SEC24A: variants seen among roughly 807,000 people sequenced by gnomAD.
The protein encoded by SEC24A is protein transport protein Sec24A.
Under a neutral mutation model 129.4 loss-of-function variants are expected in SEC24A, and 93 were observed. That is an observed-to-expected ratio of 0.72 (90% confidence interval 0.61 to 0.85). SEC24A has a LOEUF of 0.85. SEC24A is among the 40% of genes least tolerant of loss of function. The pLI is 0.00. For missense variants in SEC24A, 1,264 were observed against 1,307.4 expected, an observed-to-expected ratio of 0.97 and a Z score of 0.51; for synonymous variants, 460 against 467.3, an observed-to-expected ratio of 0.98 and a Z score of 0.20.
chr5:134,691,944 A>T (rs1017376398), intron 11 of SEC24A, among the ~76,000 whole-genome samples: 26 of 121,030 alleles, frequency 2.1e-4, no homozygotes, highest in African/African-American at 4.4e-4. Context: ...CCAGCCATTT[A>T]AAAAAAAAAA....
intron 9 of SEC24A, among the ~76,000 whole-genome samples, chr5:134,684,662 G>A (rs1422026383): frequency 2.6e-5 from 4 of 151,170 alleles, no homozygotes; most frequent in Non-Finnish European, 4.4e-5. Context: ...GCAGTGAGCC[G>A]AGATTGCGCC....
intron 1 of SEC24A, among the ~76,000 whole-genome samples, chr5:134,660,050 T>C (rs184921013): frequency 6.6e-6 from 1 of 152,182 alleles, no homozygotes; most frequent in Admixed American, 6.6e-5. Flanking sequence ...AAGGCACCTC[T>C]TTAGCGTATT....
At chr5:134,648,514 C>G (rs1749931694), upstream of SEC24A, 1 of 152,570 alleles carries the variant, frequency 6.6e-6, no homozygotes, top group Admixed American at 6.5e-5. Flanking sequence ...GATTGCCCCA[C>G]GATCCTGGCT....
rs575809400 is a variant in SEC24A, at chr5:134,689,592, C to G, written c.1723+1293C>G. 3.4e-3 allele frequency among the ~76,000 whole-genome samples: 514 copies of G among 152,206 alleles called. 4 individuals are homozygous for G. Among genetic ancestry groups the G allele is most frequent in the Middle Eastern group, 0.024 (7 of 294 alleles). ...CCTGGCCAACATGGTGAAACCCCGTCTCTACTAAAAATACAAAAATTAGTT... is the reference window on the plus strand; with the variant it reads ...CCTGGCCAACATGGTGAAACCCCGTGTCTACTAAAAATACAAAAATTAGTT... On this transcript the variant is annotated intron_variant, in intron 11 of 22. Transcript: ENST00000398844.
rs1362116133 is a variant in SEC24A, at chr5:134,649,139, A to G, written c.63A>G (p.Gly21=). The G allele has an allele frequency of 6.2e-7, 1 of 1,609,590 alleles. No homozygotes were observed. Among genetic ancestry groups the G allele is most frequent in the Admixed American group, 1.7e-5 (1 of 59,514 alleles). ...CAGCCAGCCTCCAGGCCCAGAACGG[A>G]GCCGCCTTGGCCTCGGGGTCTCCCT... The part of the protein sequence containing the change: ...GAPASLQAQN[G]AALASGSPYT... The change falls in exon 1 of 23, where the codon GGA becomes GGG. Residue 21 remains glycine (G), a synonymous_variant. Transcript: ENST00000398844.
At position 134,661,121 on chromosome 5, in the gene SEC24A, C is replaced by T. The variant is rs1362216036; in HGVS notation, c.100C>T (p.Pro34Ser). 8 of 1,593,022 alleles carry T rather than the reference C, an allele frequency of 5.0e-6. No homozygotes were observed. Among genetic ancestry groups the T allele is most frequent in the Non-Finnish European group, 6.0e-6 (7 of 1,169,214 alleles). ...LASGSPYTNGPVQNALLSSQE... is the reference protein window; with the variant it reads ...LASGSPYTNGSVQNALLSSQE... ...ATTTTTCCTCCTTTTATTGGAAGGT[C>T]CTGTCCAAAATGCATTGCTGTCTTC... is the stretch of plus-strand genomic sequence containing the variant. Residue 34 changes from proline to serine, a missense_variant and splice_region_variant, in exon 2 of 23, where the codon CCT becomes TCT. Pro to Ser is a moderately conservative substitution (Grantham distance 74). Transcript: ENST00000398844.
chr5:134,661,409 G>C lies in SEC24A; in HGVS notation c.388G>C (p.Ala130Pro). 4 of 1,614,160 alleles carry C rather than the reference G, an allele frequency of 2.5e-6. No individual in the cohort carries two copies. Among genetic ancestry groups the C allele is most frequent in the Non-Finnish European group, 3.4e-6 (4 of 1,180,030 alleles). Reference protein sequence around the residue: ...PMPSSSFLPEANLPPPLNWQY... With the variant: ...PMPSSSFLPEPNLPPPLNWQY... ...GCCTTCTAGTAGCTTTCTTCCTGAA[G>C]CCAACCTGCCACCACCTTTGAATTG... The change falls in exon 2 of 23, where the codon GCC becomes CCC. Residue 130 changes from alanine (A) to proline (P), a missense_variant. Coordinates refer to ENST00000398844, the MANE Select transcript of SEC24A (RefSeq NM_021982.3).
At chr5:134,702,415 C>G (rs1752030852) in intron 15 of SEC24A, among the ~76,000 whole-genome samples, 1 of 152,184 alleles carries the variant, frequency 6.6e-6, no homozygotes. Context: ...ATTGATAAAG[C>G]TAAAGTCTTC....
At chr5:134,697,310 A>G (rs1350463264) in intron 14 of SEC24A, 64 bp downstream of exon 14, 2 of 1,360,652 alleles carry the variant, frequency 1.5e-6, no homozygotes, top group East Asian at 2.3e-5. Context: ...CTTATATGAT[A>G]GTGTTCTAAA....
chr5:134,688,911 C>A (rs1390979709), intron 11 of SEC24A, among the ~76,000 whole-genome samples: 1 of 152,114 alleles, frequency 6.6e-6, no homozygotes, highest in Non-Finnish European at 1.5e-5. Flanking sequence ...AACTCCTGAC[C>A]TCAAGTGATC....
rs58181904 is a variant in SEC24A, at chr5:134,705,090, ATTT to A, written c.2441-226_2441-224del. Among the ~76,000 whole-genome samples the A allele has an allele frequency of 3.1e-3, 378 of 123,308 alleles. 1 individual carries two copies. The highest frequency in any genetic ancestry group is 7.2e-3 in the African/African-American group (240 of 33,172). The allele number at this position is 123,308 out of a possible 152,430, so 80.9% of individuals were successfully genotyped here. A position where few individuals can be genotyped will look rare whatever the true frequency, so the allele number is the denominator to read the frequency against. On this transcript the variant is annotated intron_variant, in intron 16 of 22. Transcript: ENST00000398844. ...TATATTTATATATATATATATATATATTTTTTTTTTTTTAATTAATTTATTTTT... is the reference window on the plus strand; with the variant it reads ...TATATTTATATATATATATATATATATTTTTTTTTTAATTAATTTATTTTT...
chr5:134,703,766 C>T lies in SEC24A; in HGVS notation c.2274C>T (p.Ser758=). ...VMRIRCTKGL[S]IHTFHGNFFV... ...TACCTTTTTCTCTTCTAGGTCTTTC[C>T]ATTCATACTTTCCATGGAAACTTCT... Residue 758 remains serine, a synonymous_variant, in exon 16 of 23, where the codon TCC becomes TCT. Transcript: ENST00000398844. 7 of 1,607,968 alleles carry T rather than the reference C, an allele frequency of 4.4e-6. No homozygotes were observed. The highest frequency in any genetic ancestry group is 4.3e-6 in the Non-Finnish European group (5 of 1,175,014).
Position 134,654,950 on chromosome 5 carries a change from C to T in SEC24A, c.97+5777C>T, listed in dbSNP as rs371498279. Among the ~76,000 whole-genome samples, 12 of 152,086 alleles carry T rather than the reference C, an allele frequency of 7.9e-5. No individual in the cohort carries two copies. In the East Asian group the frequency reaches 1.7e-3, roughly 22 times the overall value. On this transcript the variant is annotated intron_variant, in intron 1 of 22. Coordinates refer to ENST00000398844, the MANE Select transcript of SEC24A (RefSeq NM_021982.3). ...CAGGCTGGTCTCGAACTCCTGACCTCGTGATCCTCCCACCTTGGCCTCCCA... is the reference window on the plus strand; with the variant it reads ...CAGGCTGGTCTCGAACTCCTGACCTTGTGATCCTCCCACCTTGGCCTCCCA...
At chr5:134,685,366 TA>T (rs765501527) in intron 9 of SEC24A, among the ~76,000 whole-genome samples, 200 of 138,228 alleles carry the variant, frequency 1.4e-3, no homozygotes, top group East Asian at 2.1e-3. Flanking sequence ...ACCTTCTCTC[TA>T]AAAAAAAAAA....
intron 21 of SEC24A, 87 bp from the exon 22 acceptor site, chr5:134,723,480 T>TA: frequency 1.2e-6 from 1 of 830,010 alleles, no homozygotes; most frequent in Non-Finnish European, 1.9e-6. Context: ...AAAATGTAAT[T>TA]AAAAAAATAA....
intron 2 of SEC24A, among the ~76,000 whole-genome samples, chr5:134,662,493 A>G (rs1386631146): frequency 6.6e-6 from 1 of 152,118 alleles, no homozygotes; most frequent in African/African-American, 2.4e-5. Context: ...GCAGGTTGAT[A>G]CTTCTCAGCA....
intron 15 of SEC24A, among the ~76,000 whole-genome samples, chr5:134,698,903 G>T (rs969115079): frequency 6.6e-5 from 10 of 151,794 alleles, no homozygotes; most frequent in Non-Finnish European, 1.3e-4. Flanking sequence ...AAGGCACTGG[G>T]ATTACAGGTG....
chr5:134,676,144 C>CTTTTTT lies in SEC24A; in HGVS notation c.1254+27_1254+32dup. The CTTTTTT allele has an allele frequency of 3.1e-6, 4 of 1,275,850 alleles. No homozygotes were observed. Among genetic ancestry groups the CTTTTTT allele is most frequent in the African/African-American group, 1.6e-5 (1 of 64,506 alleles). 79.0% of individuals were successfully genotyped at this position (1,275,850 alleles called of 1,614,324 possible). ...CTTAGTGGTATGTTTCTTTTCTTTT[C>CTTTTTT]TTTTTTTTTTTTTGAGACGGAGTCT... On this transcript the variant is annotated intron_variant, in intron 7 of 22. Coordinates refer to ENST00000398844, the MANE Select transcript of SEC24A (RefSeq NM_021982.3).
Position 134,675,044 on chromosome 5 carries a change from G to A in SEC24A, c.979-1G>A. 6.4e-7 allele frequency: 1 copy of A among 1,574,652 alleles called. No homozygotes were observed. Among genetic ancestry groups the A allele is most frequent in the Non-Finnish European group, 8.6e-7 (1 of 1,156,818 alleles). On this transcript the variant is annotated splice_acceptor_variant, in intron 5 of 22. Transcript: ENST00000398844. LOFTEE classifies it high-confidence loss of function. ...CTTACTTTAAAATTATGTATCTGTA[G>A]ACTCCCTTAGGTGCTAATCATTTAA...
Sources: gnomAD v4.1 joint callset for allele counts (sites outside exome capture counted in the v4.1 genomes callset) on GRCh38, gnomAD v4.1.1 for gene constraint, MANE v1.5 for transcripts, NCBI Gene and HGNC (gene_info 2026-07-23, HGNC 2026-07-21) for gene names.